The following LRRC7 variants were observed in gnomAD, a reference collection of about 807,000 sequenced individuals.
LRRC7 encodes the protein leucine rich repeat containing 7.
In LRRC7, 23 loss-of-function variants were observed where a neutral mutation model predicts 175.7. The ratio of observed to expected loss-of-function variants is 0.13; its 90% confidence interval spans 0.09 to 0.19. The LOEUF is 0.19. Among genes scored for constraint, LRRC7 ranks in the 10% least tolerant of loss-of-function variants. The pLI is 1.00. For missense variants in LRRC7, 1,354 were observed against 1,904.7 expected (o/e 0.71, Z 5.38); for synonymous variants, 685 against 680.9 (o/e 1.01, Z -0.09).
chr1:69,730,376 C>T (rs928214082), intron 2 of LRRC7, among the ~76,000 whole-genome samples: 7 of 152,142 alleles, frequency 4.6e-5, no homozygotes, highest in African/African-American at 1.7e-4. Context: ...CTCTTAAGTG[C>T]TTTGCTGCAT....
chr1:69,574,703 C>G (rs1005195427), intron 1 of LRRC7, among the ~76,000 whole-genome samples: 1 of 152,054 alleles, frequency 6.6e-6, no homozygotes, highest in Admixed American at 6.6e-5. Context: ...AAGTATTCAT[C>G]ATTGCAGTTC....
chr1:70,133,345 C>G lies in LRRC7; in HGVS notation c.*11458C>G, dbSNP rs1282938521. On this transcript the variant is annotated 3_prime_UTR_variant, in exon 27 of 27. Coordinates refer to ENST00000651989, the MANE Select transcript of LRRC7 (RefSeq NM_001370785.2). ...AAACGATTTTCCTGCCTCAGCCTCC[C>G]GAGTAGCTGGGACTACAGGCATGCA... Among the ~76,000 whole-genome samples, 1 of 152,012 alleles carries G rather than the reference C, an allele frequency of 6.6e-6. No individual in the cohort carries two copies. Among genetic ancestry groups the G allele is most frequent in the African/African-American group, 2.4e-5 (1 of 41,392 alleles).
At chr1:69,770,623 G>A (rs183505758) in intron 3 of LRRC7, among the ~76,000 whole-genome samples, 10 of 152,284 alleles carry the variant, frequency 6.6e-5, no homozygotes, top group Non-Finnish European at 7.4e-5. Flanking sequence ...TATGAAATGT[G>A]TTGCTCGAGA....
At chr1:69,670,387 AAG>A (rs1658900902) in intron 1 of LRRC7, among the ~76,000 whole-genome samples, 1 of 152,162 alleles carries the variant, frequency 6.6e-6, no homozygotes, top group Admixed American at 6.5e-5. Flanking sequence ...CTTTCTCCCA[AAG>A]AGAGTCTCTT....
At chr1:69,915,117 G>T (rs1446177634) in intron 7 of LRRC7, among the ~76,000 whole-genome samples, 1 of 152,162 alleles carries the variant, frequency 6.6e-6, no homozygotes, top group Non-Finnish European at 1.5e-5. Flanking sequence ...AGTAAAAAGG[G>T]AGTGTCTCCC....
At chr1:69,901,325 GA>G (rs577421610) in intron 7 of LRRC7, among the ~76,000 whole-genome samples, 1 of 152,130 alleles carries the variant, frequency 6.6e-6, no homozygotes, top group Non-Finnish European at 1.5e-5. Context: ...GAATGACAGA[GA>G]AAAAAGTTTA....
At chr1:69,712,128 A>G (rs983010741) in intron 2 of LRRC7, among the ~76,000 whole-genome samples, 8 of 152,142 alleles carry the variant, frequency 5.3e-5, no homozygotes, top group Non-Finnish European at 8.8e-5. Context: ...ACTTTCATAT[A>G]TAAGTTATCT....
chr1:69,914,854 T>C (rs1646639705), intron 7 of LRRC7, among the ~76,000 whole-genome samples: 1 of 152,140 alleles, frequency 6.6e-6, no homozygotes, highest in Non-Finnish European at 1.5e-5. Context: ...ACAGAGACCA[T>C]ATGGACTGGA....
intron 18 of LRRC7, among the ~76,000 whole-genome samples, chr1:70,034,942 C>T (rs1006444630): frequency 6.6e-6 from 1 of 152,162 alleles, no homozygotes; most frequent in Non-Finnish European, 1.5e-5. Context: ...GAGCATGTCA[C>T]TATGGGGGTC....
At chr1:70,070,613 G>A (rs144602122) in intron 23 of LRRC7, among the ~76,000 whole-genome samples, 39 of 152,234 alleles carry the variant, frequency 2.6e-4, no homozygotes, top group African/African-American at 8.9e-4. Context: ...TTGGGGAAGG[G>A]TGGGGTGCTG....
intron 2 of LRRC7, among the ~76,000 whole-genome samples, chr1:69,745,999 A>C (rs1260131424): frequency 6.6e-6 from 1 of 151,828 alleles, no homozygotes; most frequent in African/African-American, 2.4e-5. Flanking sequence ...CAGTACTCTT[A>C]TTTTTTGCCT....
intron 7 of LRRC7, among the ~76,000 whole-genome samples, chr1:69,879,212 T>TAAAAAAAAAAAAAAAAAAA (rs201332183): frequency 2.2e-5 from 2 of 91,972 alleles, no homozygotes; most frequent in Admixed American, 1.3e-4. Context: ...AAAACTGCTT[T>TAAAAAAAAAAAAAAAAAAA]AAAAAAAAAA....
chr1:69,720,957 A>G (rs908724616), intron 2 of LRRC7, among the ~76,000 whole-genome samples: 9 of 151,840 alleles, frequency 5.9e-5, no homozygotes, highest in African/African-American at 2.2e-4. Context: ...CCATCTCCAG[A>G]ACTCTTCAAA....
At chr1:69,888,365 G>C (rs1476459248) in intron 7 of LRRC7, among the ~76,000 whole-genome samples, 1 of 152,130 alleles carries the variant, frequency 6.6e-6, no homozygotes, top group East Asian at 1.9e-4. Context: ...TATTCGGGTG[G>C]GAGTGACCCG....
intron 2 of LRRC7, among the ~76,000 whole-genome samples, chr1:69,708,921 A>C (rs2100725471): frequency 6.6e-6 from 1 of 152,308 alleles, no homozygotes; most frequent in Admixed American, 6.5e-5. Flanking sequence ...GACTAAAGCA[A>C]GTCACAAAGC....
chr1:70,070,455 CT>C (rs1230998609), intron 23 of LRRC7, among the ~76,000 whole-genome samples: 1 of 152,020 alleles, frequency 6.6e-6, no homozygotes, highest in East Asian at 1.9e-4. Flanking sequence ...TATTGATTGT[CT>C]TTTTTTATTT....
At chr1:69,784,529 T>TC (rs1429890761) in intron 3 of LRRC7, among the ~76,000 whole-genome samples, 1 of 152,230 alleles carries the variant, frequency 6.6e-6, no homozygotes, top group African/African-American at 2.4e-5. Flanking sequence ...GATGCTTGCT[T>TC]CAGTTCCTGT....
chr1:70,045,920 A>G lies in LRRC7; in HGVS notation c.4110+1826A>G, dbSNP rs148908803. ...TGGAGGAAACTGCCCCCATGATTCA[A>G]TTGTCTCCACCTGGCCCCACCCTTG... On this transcript the variant is annotated intron_variant, in intron 22 of 26. Coordinates refer to ENST00000651989, the MANE Select transcript of LRRC7 (RefSeq NM_001370785.2). Among the ~76,000 whole-genome samples the G allele has an allele frequency of 4.0e-3, 616 of 152,226 alleles. 4 individuals are homozygous for G. The highest frequency in any genetic ancestry group is 0.014 in the African/African-American group (580 of 41,558).
At chr1:69,596,750 A>T (rs1418010) in intron 1 of LRRC7, among the ~76,000 whole-genome samples, 25,898 of 152,252 alleles carry the variant, frequency 0.17, 2,548 homozygotes, top group South Asian at 0.23. Flanking sequence ...CTATTTTGAG[A>T]GCAAAATGGA....
Sources: gnomAD v4.1 joint callset for allele counts (sites outside exome capture counted in the v4.1 genomes callset) on GRCh38, gnomAD v4.1.1 for gene constraint, MANE v1.5 for transcripts, NCBI Gene and HGNC (gene_info 2026-07-23, HGNC 2026-07-21) for gene names.